KDM4C: variants seen among roughly 807,000 people sequenced by gnomAD.
KDM4C encodes lysine demethylase 4C, also known as lysine-specific demethylase 4C.
KDM4C carries 81 observed loss-of-function variants against 129.3 expected under a neutral mutation model. The ratio of observed to expected loss-of-function variants is 0.63; its 90% confidence interval spans 0.52 to 0.75. KDM4C has a LOEUF of 0.75. Ranked by LOEUF, KDM4C falls within the 30% of genes least tolerant of loss-of-function variation. KDM4C has a pLI of 0.00. For missense variants in KDM4C, 1,457 were observed against 1,304.0 expected (o/e 1.12, Z -1.81); for synonymous variants, 573 against 456.1 (o/e 1.26, Z -3.26).
intron 17 of KDM4C, among the ~76,000 whole-genome samples, chr9:7,099,379 A>G (rs1836819036): frequency 6.6e-6 from 1 of 152,226 alleles, no homozygotes; most frequent in South Asian, 2.1e-4. Context: ...CCTCATTGCC[A>G]GATACTTCAT....
chr9:6,780,883 A>G (rs2130760473), intron 1 of KDM4C, among the ~76,000 whole-genome samples: 1 of 151,624 alleles, frequency 6.6e-6, no homozygotes, highest in South Asian at 2.1e-4. Context: ...TTCTTCAGGC[A>G]TTGAGCTCAT....
At chr9:6,929,690 T>C (rs910079595) in intron 8 of KDM4C, among the ~76,000 whole-genome samples, 2 of 152,062 alleles carry the variant, frequency 1.3e-5, no homozygotes, top group Non-Finnish European at 2.9e-5. Flanking sequence ...GTCACTCTGC[T>C]GGAGTCCCAG....
chr9:6,871,952 A>G (rs1842875656), intron 5 of KDM4C, among the ~76,000 whole-genome samples: 1 of 152,196 alleles, frequency 6.6e-6, no homozygotes, highest in Non-Finnish European at 1.5e-5. Flanking sequence ...TGGGAGGAAG[A>G]AAAGGGATGA....
At chr9:6,927,318 T>G (rs146753934) in intron 8 of KDM4C, among the ~76,000 whole-genome samples, 19 of 152,220 alleles carry the variant, frequency 1.2e-4, no homozygotes, top group African/African-American at 4.1e-4. Flanking sequence ...TTAGTAGAGA[T>G]GGTGTTTTGC....
chr9:6,858,353 CACCACG>C (rs1025554610), intron 5 of KDM4C, among the ~76,000 whole-genome samples: 112 of 152,134 alleles, frequency 7.4e-4, no homozygotes, highest in African/African-American at 2.6e-3. Context: ...CCACCACCAC[CACCACG>C]ACCACCACCA....
At chr9:6,994,040 G>T (rs1026959752) in intron 12 of KDM4C, among the ~76,000 whole-genome samples, 1 of 152,140 alleles carries the variant, frequency 6.6e-6, no homozygotes, top group Non-Finnish European at 1.5e-5. Context: ...GGGTATAGGG[G>T]TGGGGATGGT....
chr9:6,874,594 A>C (rs2130705781), intron 5 of KDM4C, among the ~76,000 whole-genome samples: 1 of 152,324 alleles, frequency 6.6e-6, no homozygotes, highest in South Asian at 2.1e-4. Flanking sequence ...CAGCTGCTAC[A>C]ATTCATGGAG....
intron 1 of KDM4C, among the ~76,000 whole-genome samples, chr9:6,792,058 G>A (rs748641305): frequency 1.3e-5 from 2 of 151,642 alleles, no homozygotes; most frequent in African/African-American, 2.4e-5. Flanking sequence ...TTATTTTTAC[G>A]TCTGGGCTCG....
upstream of KDM4C, among the ~76,000 whole-genome samples, chr9:6,755,777 T>C (rs532460596): frequency 6.6e-6 from 1 of 152,310 alleles, no homozygotes; most frequent in South Asian, 2.1e-4. Flanking sequence ...TGGAGGTATT[T>C]TGATACATTA....
chr9:6,766,548 T>C (rs1183244726), intron 1 of KDM4C, among the ~76,000 whole-genome samples: 2 of 152,092 alleles, frequency 1.3e-5, no homozygotes, highest in Admixed American at 1.3e-4. Context: ...ATATGAACTT[T>C]TTCAGTCGAC....
chr9:6,829,626 C>A (rs184296906), intron 4 of KDM4C, among the ~76,000 whole-genome samples: 1 of 152,164 alleles, frequency 6.6e-6, no homozygotes, highest in South Asian at 2.1e-4. Flanking sequence ...GGGAGACCCC[C>A]CTTTCCTATT....
At chr9:6,790,411 ATT>A (rs544879618) in intron 1 of KDM4C, among the ~76,000 whole-genome samples, 1 of 141,958 alleles carries the variant, frequency 7.0e-6, no homozygotes, top group Non-Finnish European at 1.5e-5. Context: ...CACCTGGCTA[ATT>A]TTTTTTTTTT....
At chr9:6,968,363 A>T (rs1831368580) in intron 8 of KDM4C, among the ~76,000 whole-genome samples, 1 of 152,166 alleles carries the variant, frequency 6.6e-6, no homozygotes, top group South Asian at 2.1e-4. Flanking sequence ...CTTGCCATTG[A>T]GGAAAGGAGA....
chr9:6,725,121 C>A (rs1405054018), intron 1 of KDM4C, among the ~76,000 whole-genome samples: 4 of 152,146 alleles, frequency 2.6e-5, no homozygotes, highest in African/African-American at 9.6e-5. Context: ...AGTCAAATCT[C>A]TCTCTGCCTT....
At chr9:7,104,794 C>G (rs1214485003) in intron 18 of KDM4C, among the ~76,000 whole-genome samples, 2 of 152,176 alleles carry the variant, frequency 1.3e-5, no homozygotes, top group Non-Finnish European at 2.9e-5. Flanking sequence ...CTCCTATGTC[C>G]CTAATAACCT....
chr9:6,989,473 C>G (rs1300180429), intron 11 of KDM4C, among the ~76,000 whole-genome samples: 1 of 152,100 alleles, frequency 6.6e-6, no homozygotes, highest in Non-Finnish European at 1.5e-5. Flanking sequence ...ACATGACTTT[C>G]TACCCGGGAA....
At chr9:6,770,837 G>A (rs1264647579) in intron 1 of KDM4C, among the ~76,000 whole-genome samples, 1 of 143,774 alleles carries the variant, frequency 7.0e-6, no homozygotes, top group Non-Finnish European at 1.5e-5. Flanking sequence ...ATGCAGTGGC[G>A]CAATCTTGGC....
chr9:7,093,534 C>G (rs1486767129), intron 17 of KDM4C, among the ~76,000 whole-genome samples: 1 of 152,154 alleles, frequency 6.6e-6, no homozygotes, highest in Non-Finnish European at 1.5e-5. Context: ...CCAGGCTTCT[C>G]ACTTGGCATT....
Position 6,814,388 on chromosome 9 carries a change from A to T in KDM4C, c.321-243A>T, listed in dbSNP as rs576871820. ...ACTTTTAAACTGCTTTTCTGCTTCTATTGTTGTTTTCGTGAAAGTAGTTTT... is the reference window on the plus strand; with the variant it reads ...ACTTTTAAACTGCTTTTCTGCTTCTTTTGTTGTTTTCGTGAAAGTAGTTTT... On this transcript the variant is annotated intron_variant, in intron 3 of 21. Coordinates refer to ENST00000381309, the MANE Select transcript of KDM4C (RefSeq NM_015061.6). Among the ~76,000 whole-genome samples the T allele has an allele frequency of 3.3e-5, 5 of 152,220 alleles. No individual in the cohort carries two copies. In the South Asian group the frequency reaches 6.2e-4, roughly 19 times the overall value.
Sources: gnomAD v4.1 joint callset for allele counts (sites outside exome capture counted in the v4.1 genomes callset) on GRCh38, gnomAD v4.1.1 for gene constraint, MANE v1.5 for transcripts, NCBI Gene and HGNC (gene_info 2026-07-23, HGNC 2026-07-21) for gene names.